The following SYN3 variants were observed in gnomAD, a reference collection of about 807,000 sequenced individuals.
The protein encoded by SYN3 is synapsin III.
A neutral mutation model predicts 65.8 loss-of-function variants in SYN3; 35 were observed. That is an observed-to-expected ratio of 0.53 (90% CI 0.41 to 0.70). The LOEUF (loss-of-function observed/expected upper bound fraction) is 0.70. SYN3 is among the 30% of genes least tolerant of loss of function. The pLI is 0.00. For missense variants in SYN3, 680 were observed against 749.0 expected, an observed-to-expected ratio of 0.91 and a Z score of 1.08; for synonymous variants, 270 against 292.9, an observed-to-expected ratio of 0.92 and a Z score of 0.80.
At chr22:32,605,379 G>A (rs963221810) in intron 6 of SYN3, among the ~76,000 whole-genome samples, 2 of 152,128 alleles carry the variant, frequency 1.3e-5, no homozygotes, top group African/African-American at 2.4e-5. Flanking sequence ...CAGCCGTCGA[G>A]GGTTTGGATG....
chr22:32,799,712 C>T (rs967733101), intron 6 of SYN3, among the ~76,000 whole-genome samples: 7 of 152,176 alleles, frequency 4.6e-5, no homozygotes, highest in Non-Finnish European at 1.5e-5. Flanking sequence ...CGTATGCCCT[C>T]ATTCAACCTG....
chr22:32,599,538 G>T (rs987863707), intron 6 of SYN3, among the ~76,000 whole-genome samples: 2 of 151,806 alleles, frequency 1.3e-5, no homozygotes, highest in East Asian at 3.9e-4. Context: ...AGCCAGGATG[G>T]TCTCGATCTC....
intron 2 of SYN3, among the ~76,000 whole-genome samples, chr22:32,982,665 A>T (rs1440678686): frequency 6.6e-6 from 1 of 152,202 alleles, no homozygotes; most frequent in African/African-American, 2.4e-5. Context: ...GTCAGAAATA[A>T]CCTATTGTAT....
chr22:32,728,365 GC>G (rs1210296581), intron 6 of SYN3, among the ~76,000 whole-genome samples: 1 of 152,196 alleles, frequency 6.6e-6, no homozygotes, highest in Non-Finnish European at 1.5e-5. Flanking sequence ...CTGTGCTCCG[GC>G]CATACCAGCT....
chr22:32,668,133 T>C (rs2060315666), intron 6 of SYN3, among the ~76,000 whole-genome samples: 1 of 152,216 alleles, frequency 6.6e-6, no homozygotes, highest in Non-Finnish European at 1.5e-5. Context: ...GTTTGAATTG[T>C]ATACAAGGAC....
At chr22:32,970,669 G>T (rs189490894) in intron 3 of SYN3, among the ~76,000 whole-genome samples, 2 of 152,184 alleles carry the variant, frequency 1.3e-5, no homozygotes, top group African/African-American at 4.8e-5. Flanking sequence ...AACTATGCAG[G>T]AATAAGCCAG....
At chr22:32,778,717 C>T (rs547857131) in intron 6 of SYN3, among the ~76,000 whole-genome samples, 4 of 152,250 alleles carry the variant, frequency 2.6e-5, no homozygotes, top group South Asian at 4.1e-4. Context: ...TTAACTGCAG[C>T]GTCACCGAAG....
intron 1 of SYN3, among the ~76,000 whole-genome samples, chr22:33,054,236 C>T (rs748868726): frequency 6.6e-5 from 10 of 152,164 alleles, no homozygotes; most frequent in African/African-American, 9.6e-5. Context: ...AGACTCCCCT[C>T]CTCGACTCCA....
At chr22:32,586,073 C>G (rs5994592) in intron 7 of SYN3, among the ~76,000 whole-genome samples, 1 of 145,414 alleles carries the variant, frequency 6.9e-6, no homozygotes, top group Admixed American at 6.9e-5. Context: ...TATATGTATA[C>G]ATGTATACAT....
At chr22:32,554,004 C>G (rs73881724) in intron 7 of SYN3, among the ~76,000 whole-genome samples, 4,915 of 152,326 alleles carry the variant, frequency 0.032, 108 homozygotes, top group East Asian at 0.14. Context: ...ATCATCATCC[C>G]TCACTGGACC....
intron 6 of SYN3, among the ~76,000 whole-genome samples, chr22:32,726,968 G>T (rs2061203137): frequency 7.4e-6 from 1 of 134,594 alleles, no homozygotes; most frequent in Admixed American, 7.3e-5. Context: ...AAACTGGAAT[G>T]AAGTTTTTTT....
In SYN3 at chr22:32,606,649, C is replaced by T. The variant is rs76123118; in HGVS notation, c.712-9913G>A. On this transcript the variant is annotated intron_variant, in intron 6 of 13. Transcript: ENST00000358763. ...CATCTTACCCACACTCCCCCATCAG[C>T]CTCTCTGGCCCAGGCTCAGTGGCTT... Among the ~76,000 whole-genome samples, 1,153 of 152,216 alleles carry T rather than the reference C, an allele frequency of 7.6e-3. 13 individuals carry two copies. The highest frequency in any genetic ancestry group is 0.026 in the African/African-American group (1,097 of 41,534).
In SYN3 at chr22:32,528,852, CCTT is replaced by C; in HGVS notation, c.1230+19_1230+21del. 6.2e-7 allele frequency: 1 copy of C among 1,613,986 alleles called. No individual in the cohort carries two copies. Among genetic ancestry groups the C allele is most frequent in the Non-Finnish European group, 8.5e-7 (1 of 1,179,988 alleles). ...GGCATTTCTCATGGCTATAAAGTCT[CCTT>C]TGATCGTGAGGGTCTTACCCAAGGT... On this transcript the variant is annotated intron_variant, in intron 11 of 13. Coordinates refer to ENST00000358763, the MANE Select transcript of SYN3 (RefSeq NM_003490.4).
At chr22:32,765,943 T>A (rs193132864) in intron 6 of SYN3, among the ~76,000 whole-genome samples, 74 of 152,334 alleles carry the variant, frequency 4.9e-4, no homozygotes, top group African/African-American at 1.7e-3. Context: ...TCCAGTCCTG[T>A]AAACCCAGGG....
chr22:32,957,609 A>G (rs372268090), intron 3 of SYN3, among the ~76,000 whole-genome samples: 2 of 152,326 alleles, frequency 1.3e-5, no homozygotes, highest in East Asian at 3.9e-4. Context: ...CTTTGGAGCA[A>G]GACACAGCTA....
intron 4 of SYN3, among the ~76,000 whole-genome samples, chr22:32,904,433 G>A (rs1011302038): frequency 2.0e-5 from 3 of 152,198 alleles, no homozygotes; most frequent in Non-Finnish European, 4.4e-5. Context: ...TTGGATTCCT[G>A]AGGAACTCTG....
At chr22:32,629,157 T>C (rs1020144668) in intron 6 of SYN3, among the ~76,000 whole-genome samples, 3 of 152,128 alleles carry the variant, frequency 2.0e-5, no homozygotes, top group Non-Finnish European at 4.4e-5. Context: ...AGAAATCGCT[T>C]TGGATTTGAG....
chr22:33,054,171 A>T (rs1015287107), intron 1 of SYN3, among the ~76,000 whole-genome samples: 1 of 152,144 alleles, frequency 6.6e-6, no homozygotes, highest in Non-Finnish European at 1.5e-5. Flanking sequence ...GAACTCATCC[A>T]TTTTATTGGC....
intron 3 of SYN3, among the ~76,000 whole-genome samples, chr22:32,962,427 C>T (rs571160676): frequency 6.6e-6 from 1 of 152,296 alleles, no homozygotes; most frequent in Admixed American, 6.5e-5. Context: ...AGCCACTACG[C>T]CCAGCCTACT....
Sources: gnomAD v4.1 joint callset for allele counts (sites outside exome capture counted in the v4.1 genomes callset) on GRCh38, gnomAD v4.1.1 for gene constraint, MANE v1.5 for transcripts, NCBI Gene and HGNC (gene_info 2026-07-23, HGNC 2026-07-21) for gene names.